Variants in SLC38A1 observed in about 807,000 individuals in gnomAD.
SLC38A1 encodes the protein sodium-coupled neutral amino acid symporter 1.
A neutral mutation model predicts 60.3 loss-of-function variants in SLC38A1; 18 were observed. The ratio of observed to expected loss-of-function variants is 0.30; its 90% CI spans 0.21 to 0.44. SLC38A1 has a LOEUF of 0.44. SLC38A1 is among the 20% of genes least tolerant of loss of function. The pLI is 1.00. For synonymous variants in SLC38A1, 196 were observed against 212.1 expected, an observed-to-expected ratio of 0.92 and a Z score of 0.66; for missense variants, 448 against 587.2, an observed-to-expected ratio of 0.76 and a Z score of 2.45.
chr12:46,214,400 T>C (rs560605788), intron 5 of SLC38A1, among the ~76,000 whole-genome samples: 67 of 152,360 alleles, frequency 4.4e-4, no homozygotes, highest in African/African-American at 1.5e-3. Flanking sequence ...ACGTTATTTG[T>C]CAATGTTTTG....
At chr12:46,233,162 G>T (rs892998511) in intron 3 of SLC38A1, among the ~76,000 whole-genome samples, 3 of 151,974 alleles carry the variant, frequency 2.0e-5, no homozygotes, top group Non-Finnish European at 4.4e-5. Context: ...GGGACTACGG[G>T]CACACACCAC....
At chr12:46,189,948 A>G (rs867023126) in intron 16 of SLC38A1, among the ~76,000 whole-genome samples, 6 of 151,570 alleles carry the variant, frequency 4.0e-5, no homozygotes, top group Middle Eastern at 3.4e-3. Context: ...ATTTTTTTTT[A>G]TTATTATACT....
At chr12:46,214,297 G>C (rs4768106) in intron 5 of SLC38A1, among the ~76,000 whole-genome samples, 129,742 of 152,258 alleles carry the variant, frequency 0.85, 55,575 homozygotes, top group African/African-American at 0.94. Flanking sequence ...AAAAAGATTT[G>C]TCACAGTGGT....
rs574976144 is a variant in SLC38A1, at chr12:46,262,938, AC to A, written c.-209+5587del. Among the ~76,000 whole-genome samples the A allele has an allele frequency of 8.2e-3, 1,253 of 152,150 alleles. 7 individuals are homozygous for A. Among genetic ancestry groups the A allele is most frequent in the Non-Finnish European group, 0.013 (888 of 67,992 alleles). ...TGGATTAATGGCTGCTCTCTCAAAG[AC>A]CTCTCCCAGTTCTCTGAATTAATGA... is the stretch of plus-strand genomic sequence containing the variant. On this transcript the variant is annotated intron_variant, in intron 1 of 16. Transcript: ENST00000398637.
At chr12:46,247,696 T>G (rs1281753765) in intron 1 of SLC38A1, among the ~76,000 whole-genome samples, 1 of 152,156 alleles carries the variant, frequency 6.6e-6, no homozygotes, top group Non-Finnish European at 1.5e-5. Context: ...ACCACAAAGA[T>G]AGTCTTCAAG....
chr12:46,246,342 C>G (rs144999845), intron 1 of SLC38A1, among the ~76,000 whole-genome samples: 392 of 152,378 alleles, frequency 2.6e-3, no homozygotes, highest in South Asian at 0.013. Flanking sequence ...AAACAGCAAA[C>G]CAGGAGATTG....
In SLC38A1 at chr12:46,239,705, G is replaced by A. The variant is rs151265184; in HGVS notation, c.96C>T (p.Thr32=). The A allele has an allele frequency of 5.3e-4, 858 of 1,613,568 alleles. 7 individuals carry two copies. In the African/African-American group the frequency reaches 9.6e-3, roughly 18 times the overall value. Residue 32 remains threonine (T), a synonymous_variant, in exon 3 of 17, where the codon ACC becomes ACT. Transcript: ENST00000398637. ...TATTTATCTGACCATTTTCTACTTC[G>A]GTGAAATCATTGGAGTCATTGCTAA... ...DNISNDSNDF[T]EVENGQINSK... is the part of the protein sequence containing the mutation.
At chr12:46,240,608 A>C (rs770614628) in intron 2 of SLC38A1, among the ~76,000 whole-genome samples, 43 of 152,346 alleles carry the variant, frequency 2.8e-4, no homozygotes, top group Non-Finnish European at 5.0e-4. Flanking sequence ...TCGGTTTAGC[A>C]ATCCCAGCTT....
Position 46,216,232 on chromosome 12 carries a change from T to C in SLC38A1, c.315-7105A>G, listed in dbSNP as rs954337456. On this transcript the variant is annotated intron_variant, in intron 5 of 16. Coordinates refer to ENST00000398637, the MANE Select transcript of SLC38A1 (RefSeq NM_030674.4). ...CCACCCCCAATTATTCTAGGGGAAA[T>C]ACCTGTATAAAGATTTGAAAACATT... Among the ~76,000 whole-genome samples the C allele has an allele frequency of 3.3e-5, 5 of 152,264 alleles. No individual in the cohort carries two copies. In the East Asian group the frequency reaches 9.7e-4, roughly 29 times the overall value.
At chr12:46,266,317 A>T (rs760507370) in intron 1 of SLC38A1, among the ~76,000 whole-genome samples, 27 of 152,204 alleles carry the variant, frequency 1.8e-4, no homozygotes, top group African/African-American at 4.8e-5. Flanking sequence ...AAATGGCCTT[A>T]ATTCATGAAG....
chr12:46,264,319 G>C (rs1942288320), intron 1 of SLC38A1, among the ~76,000 whole-genome samples: 2 of 152,190 alleles, frequency 1.3e-5, no homozygotes, highest in South Asian at 4.1e-4. Flanking sequence ...ATGAGAAAAT[G>C]AGGCATAAAA....
rs1938897203 is a variant in SLC38A1 at position 46,185,309 on chromosome 12, G to C, written c.*3661C>G. On this transcript the variant is annotated 3_prime_UTR_variant, in exon 17 of 17. Coordinates refer to ENST00000398637, the MANE Select transcript of SLC38A1 (RefSeq NM_030674.4). ...GCTTAGAGGCATGAATCAAGCTCTA[G>C]AAAGCAGTCAGTTCCAGGGTAATAG... 1 of 152,150 alleles carries C rather than the reference G, an allele frequency of 6.6e-6. No individual in the cohort carries two copies. The highest frequency in any genetic ancestry group is 1.5e-5 in the Non-Finnish European group (1 of 68,084). 9.4% of individuals were successfully genotyped at this position (152,150 alleles called of 1,614,324 possible).
At chr12:46,216,728 C>A (rs1399161420) in intron 5 of SLC38A1, among the ~76,000 whole-genome samples, 2 of 152,052 alleles carry the variant, frequency 1.3e-5, no homozygotes, top group African/African-American at 4.8e-5. Flanking sequence ...GGCATAGCGG[C>A]GTATGCCTGT....
At chr12:46,251,603 T>A (rs1941841842) in intron 1 of SLC38A1, among the ~76,000 whole-genome samples, 1 of 152,170 alleles carries the variant, frequency 6.6e-6, no homozygotes, top group Non-Finnish European at 1.5e-5. Context: ...AAAGGGCTCA[T>A]ATCCAGAATC....
In SLC38A1 at chr12:46,184,637, C is replaced by G. The variant is rs1419370334; in HGVS notation, c.*4333G>C. On this transcript the variant is annotated 3_prime_UTR_variant, in exon 17 of 17. Transcript: ENST00000398637. ...ATTCTTTTGAGAGCAGTTTGTAGCT[C>G]CTTAAGCAGAGCAGACCTTTCAGTA... 6.6e-6 allele frequency: 1 copy of G among 152,122 alleles called. No homozygotes were observed. Among genetic ancestry groups the G allele is most frequent in the African/African-American group, 2.4e-5 (1 of 41,402 alleles). The allele number at this position is 152,122 out of a possible 1,614,324, so 9.4% of individuals were successfully genotyped here.
At chr12:46,266,860 A>G (rs979204465) in intron 1 of SLC38A1, among the ~76,000 whole-genome samples, 2 of 152,170 alleles carry the variant, frequency 1.3e-5, no homozygotes, top group African/African-American at 4.8e-5. Flanking sequence ...ATACTGAGAA[A>G]TCGAGTGACT....
intron 9 of SLC38A1, 74 bp downstream of exon 9, chr12:46,206,006 C>T: frequency 1.1e-6 from 1 of 889,826 alleles, no homozygotes; most frequent in Non-Finnish European, 1.8e-6. Flanking sequence ...CAGAGGGCAA[C>T]ACTGTCCATT....
At chr12:46,201,930 C>T (rs1297390791) in intron 12 of SLC38A1, among the ~76,000 whole-genome samples, 1 of 151,056 alleles carries the variant, frequency 6.6e-6, no homozygotes, top group African/African-American at 2.4e-5. Context: ...CGGTGGCTCA[C>T]GCCTATAATC....
At chr12:46,238,458 G>A (rs1237831134) in intron 3 of SLC38A1, among the ~76,000 whole-genome samples, 1 of 152,182 alleles carries the variant, frequency 6.6e-6, no homozygotes, top group Non-Finnish European at 1.5e-5. Flanking sequence ...AAGATGCCTG[G>A]TTAGTTGACA....
Sources: gnomAD v4.1 joint callset for allele counts (sites outside exome capture counted in the v4.1 genomes callset) on GRCh38, gnomAD v4.1.1 for gene constraint, MANE v1.5 for transcripts, NCBI Gene and HGNC (gene_info 2026-07-23, HGNC 2026-07-21) for gene names.